CCDC88C: variants seen among roughly 807,000 people sequenced by gnomAD.
The protein encoded by CCDC88C is coiled-coil and HOOK domain protein 88C, also known as protein Daple.
In CCDC88C, 131 loss-of-function variants were observed where a neutral mutation model predicts 198.8. The ratio of observed to expected loss-of-function variants is 0.66; its 90% CI spans 0.57 to 0.76. CCDC88C has a LOEUF of 0.76. CCDC88C is among the 30% of genes least tolerant of loss of function. The pLI, the probability that CCDC88C is intolerant of heterozygous loss-of-function variation, is 0.00. For missense variants in CCDC88C, 2,553 were observed against 2,631.6 expected (o/e 0.97, Z 0.65); for synonymous variants, 1,166 against 1,114.7 (o/e 1.05, Z -0.92).
chr14:91,310,551 C>T (rs1266745796), intron 15 of CCDC88C, among the ~76,000 whole-genome samples: 1 of 152,110 alleles, frequency 6.6e-6, no homozygotes, highest in East Asian at 1.9e-4. Flanking sequence ...GCTGGAATTA[C>T]AGGTGTGCAC....
intron 3 of CCDC88C, among the ~76,000 whole-genome samples, chr14:91,373,636 A>T (rs751083447): frequency 4.1e-4 from 63 of 152,318 alleles, no homozygotes; most frequent in South Asian, 1.0e-3. Context: ...TTCTATCACC[A>T]AGAATGTATT....
chr14:91,318,844 G>C (rs1567073199), intron 13 of CCDC88C, among the ~76,000 whole-genome samples: 2 of 149,528 alleles, frequency 1.3e-5, no homozygotes, highest in Non-Finnish European at 3.0e-5. Flanking sequence ...CTTGAACCCA[G>C]GAGATGGAGA....
Position 91,278,279 on chromosome 14 carries a change from C to T in CCDC88C, c.4769-68G>A. ...GCAGCCCTCTGGTGGCTTCTAGAGG[C>T]TTCGTGCTGCCTTTGCCCACTTCAA... is the stretch of plus-strand genomic sequence containing the variant. On this transcript the variant is annotated intron_variant, in intron 28 of 29. Coordinates refer to ENST00000389857, the MANE Select transcript of CCDC88C (RefSeq NM_001080414.4). 4 of 1,438,730 alleles carry T rather than the reference C, an allele frequency of 2.8e-6. No individual in the cohort carries two copies. The South Asian group carries it at 5.8e-5, about 21-fold the overall frequency. 89.1% of individuals were successfully genotyped at this position (1,438,730 alleles called of 1,614,324 possible).
intron 3 of CCDC88C, among the ~76,000 whole-genome samples, chr14:91,389,725 T>TTAA (rs1885368575): frequency 1.0e-5 from 1 of 99,310 alleles, no homozygotes; most frequent in African/African-American, 3.7e-5. Context: ...ATTTAAAAAA[T>TTAA]AAAAAAAAAA....
intron 10 of CCDC88C, among the ~76,000 whole-genome samples, chr14:91,327,450 G>A (rs1210999600): frequency 6.6e-6 from 1 of 152,372 alleles, no homozygotes; most frequent in East Asian, 1.9e-4. Flanking sequence ...CCCTGCCCCA[G>A]GCAATCCATG....
At chr14:91,417,481 G>C (rs1157714665) in intron 1 of CCDC88C, 150 bp downstream of exon 1, 6 of 614,998 alleles carry the variant, frequency 9.8e-6, no homozygotes, top group African/African-American at 7.9e-5. Flanking sequence ...TCCAGGACGC[G>C]GCCCCAACCC....
intron 12 of CCDC88C, among the ~76,000 whole-genome samples, chr14:91,322,211 C>T (rs1293033394): frequency 6.6e-6 from 1 of 152,196 alleles, no homozygotes; most frequent in Non-Finnish European, 1.5e-5. Context: ...TACCTCTTCA[C>T]CCCAGGGGCT....
rs369677449 is a variant in CCDC88C, at chr14:91,320,400, G to A, written c.1527+720C>T. On this transcript the variant is annotated intron_variant, in intron 13 of 29. Transcript: ENST00000389857. ...GTGAACATGTGGAGGTGCTGGAGGG[G>A]CACCCGCAGAGGACAGGGTAGCGTG... Among the ~76,000 whole-genome samples, 5 of 152,250 alleles carry A rather than the reference G, an allele frequency of 3.3e-5. No homozygotes were observed. The South Asian group carries it at 6.2e-4, about 19-fold the overall frequency.
chr14:91,385,020 T>G (rs1596141842), intron 3 of CCDC88C, among the ~76,000 whole-genome samples: 1 of 152,120 alleles, frequency 6.6e-6, no homozygotes, highest in Admixed American at 6.5e-5. Flanking sequence ...ATCCCTCAGA[T>G]CCCTGGAAGC....
intron 20 of CCDC88C, among the ~76,000 whole-genome samples, chr14:91,301,781 G>A (rs1184871918): frequency 6.6e-6 from 1 of 152,216 alleles, no homozygotes; most frequent in African/African-American, 2.4e-5. Flanking sequence ...ATAACACTAA[G>A]AATAAGGCAC....
intron 15 of CCDC88C, among the ~76,000 whole-genome samples, chr14:91,311,067 G>GC (rs1390447548): frequency 6.6e-6 from 1 of 152,290 alleles, no homozygotes; most frequent in East Asian, 1.9e-4. Flanking sequence ...ACCTGCCATG[G>GC]CAACCGCCCA....
chr14:91,339,195 C>T lies in CCDC88C; in HGVS notation c.809+83G>A. ...GCACACGTCAGAGCTGTGCCATTGG[C>T]AGCACCACACATGTGAGTCGACACC... On this transcript the variant is annotated intron_variant, in intron 8 of 29. Coordinates refer to ENST00000389857, the MANE Select transcript of CCDC88C (RefSeq NM_001080414.4). The surrounding 1 kb of genome is among the most constrained non-coding windows in gnomAD (Gnocchi z 5.8). The T allele has an allele frequency of 6.6e-7, 1 of 1,506,078 alleles. No individual in the cohort carries two copies. Among genetic ancestry groups the T allele is most frequent in the Non-Finnish European group, 9.1e-7 (1 of 1,099,828 alleles). The allele number at this position is 1,506,078 out of a possible 1,614,324, so 93.3% of individuals were successfully genotyped here.
At chr14:91,353,878 T>C (rs997442080) in intron 4 of CCDC88C, among the ~76,000 whole-genome samples, 1 of 152,240 alleles carries the variant, frequency 6.6e-6, no homozygotes, top group African/African-American at 2.4e-5. Flanking sequence ...GCATATGCAG[T>C]CGCAGCCCCT....
intron 3 of CCDC88C, among the ~76,000 whole-genome samples, chr14:91,374,962 G>A (rs1261091076): frequency 6.6e-6 from 1 of 152,192 alleles, no homozygotes; most frequent in Non-Finnish European, 1.5e-5. Context: ...ACTCCCTTAC[G>A]GAGCCCAATG....
intron 23 of CCDC88C, among the ~76,000 whole-genome samples, chr14:91,293,489 C>CCTGTCCCCTCGCCTG: frequency 8.1e-6 from 1 of 123,294 alleles, no homozygotes. Context: ...AGCTCACCTT[C>CCTGTCCCCTCGCCTG]CCATCCTCAC....
intron 3 of CCDC88C, among the ~76,000 whole-genome samples, chr14:91,403,285 C>T (rs1271733760): frequency 1.3e-5 from 2 of 152,164 alleles, no homozygotes; most frequent in Non-Finnish European, 1.5e-5. Flanking sequence ...CGTGTGGACT[C>T]GATGACAAAG....
intron 3 of CCDC88C, among the ~76,000 whole-genome samples, chr14:91,397,677 G>A (rs577578238): frequency 4.6e-5 from 7 of 152,296 alleles, no homozygotes; most frequent in African/African-American, 9.6e-5. Flanking sequence ...GCCCAACCCC[G>A]GAAGTTTCAG....
intron 10 of CCDC88C, among the ~76,000 whole-genome samples, chr14:91,328,390 G>A (rs1013396321): frequency 4.6e-5 from 7 of 152,162 alleles, no homozygotes; most frequent in South Asian, 4.1e-4. Flanking sequence ...GGGCTCCCCC[G>A]GGCACCTGGC....
At chr14:91,409,611 C>A (rs150152904) in intron 2 of CCDC88C, among the ~76,000 whole-genome samples, 1 of 152,014 alleles carries the variant, frequency 6.6e-6, no homozygotes, top group African/African-American at 2.4e-5. Flanking sequence ...CCTCAGCCTC[C>A]CAAGTAGCTG....
Sources: allele counts gnomAD v4.1 joint callset (sites outside exome capture counted in the v4.1 genomes callset), GRCh38; gene constraint gnomAD v4.1.1; non-coding constraint Gnocchi (gnomAD v3.1); transcripts MANE v1.5; gene names NCBI Gene and HGNC (gene_info 2026-07-23, HGNC 2026-07-21).